CSNK1G3: variants seen among roughly 807,000 people sequenced by gnomAD.
The protein encoded by CSNK1G3 is casein kinase I isoform gamma-3.
CSNK1G3 carries 23 observed loss-of-function variants against 64.3 expected under a neutral mutation model. That is an observed-to-expected ratio of 0.36 (90% CI 0.26 to 0.51). CSNK1G3 has a LOEUF of 0.51. CSNK1G3 is among the 20% of genes least tolerant of loss of function. The pLI is 0.96. For missense variants in CSNK1G3, 357 were observed against 510.5 expected, an observed-to-expected ratio of 0.70 and a Z score of 2.90; for synonymous variants, 158 against 162.2, an observed-to-expected ratio of 0.97 and a Z score of 0.20.
chr5:123,573,350 T>A (rs1788490329), intron 4 of CSNK1G3, 43 bp from the exon 5 acceptor site: 3 of 1,587,144 alleles, frequency 1.9e-6, no homozygotes, highest in Admixed American at 3.3e-5. Flanking sequence ...ACCTTAGTAT[T>A]TAAGATGATG....
intron 1 of CSNK1G3, among the ~76,000 whole-genome samples, chr5:123,529,402 A>G (rs147969433): frequency 6.6e-5 from 10 of 152,296 alleles, no homozygotes; most frequent in African/African-American, 2.2e-4. Flanking sequence ...AGATGAAAGA[A>G]CATTCTTTTA....
chr5:123,573,575 C>A, intron 5 of CSNK1G3, 34 bp downstream of exon 5: 1 of 1,541,048 alleles, frequency 6.5e-7, no homozygotes, highest in African/African-American at 1.4e-5. Context: ...GTTGTTTGAA[C>A]AATTACATGG....
Position 123,532,061 on chromosome 5 carries a change from A to G in CSNK1G3, c.-247-13356A>G, listed in dbSNP as rs145561663. On this transcript the variant is annotated intron_variant, in intron 1 of 12. Coordinates refer to ENST00000345990, the Ensembl canonical transcript of CSNK1G3. Reference sequence around the variant, plus strand: ...GCAGGTATAATACAATATTAAGATTACTCTTAATTTTTAAGAATATTTAGG... The same window carrying G: ...GCAGGTATAATACAATATTAAGATTGCTCTTAATTTTTAAGAATATTTAGG... Among the ~76,000 whole-genome samples the G allele has an allele frequency of 9.9e-5, 15 of 151,908 alleles. No individual in the cohort carries two copies. The East Asian group carries it at 2.9e-3, about 29-fold the overall frequency.
intron 1 of CSNK1G3, among the ~76,000 whole-genome samples, chr5:123,522,690 A>G (rs538445441): frequency 1.3e-5 from 2 of 152,114 alleles, no homozygotes; most frequent in African/African-American, 4.8e-5. Context: ...GGGAATAATG[A>G]TAAAAAAAAA....
At chr5:123,585,877 A>G (rs978651963) in intron 6 of CSNK1G3, among the ~76,000 whole-genome samples, 1 of 152,214 alleles carries the variant, frequency 6.6e-6, no homozygotes, top group Admixed American at 6.5e-5. Context: ...TTGGAAAATC[A>G]TATAGAAGTT....
At chr5:123,568,916 A>C (rs1054394575) in intron 4 of CSNK1G3, among the ~76,000 whole-genome samples, 5 of 152,258 alleles carry the variant, frequency 3.3e-5, no homozygotes, top group Admixed American at 1.3e-4. Flanking sequence ...ATAAGTCATT[A>C]GCAAAAATAC....
intron 1 of CSNK1G3, among the ~76,000 whole-genome samples, chr5:123,533,581 G>A (rs907434701): frequency 1.7e-4 from 26 of 151,326 alleles, no homozygotes; most frequent in Non-Finnish European, 1.6e-4. Context: ...GATTGTTTCC[G>A]TCTTTTTTTC....
At chr5:123,563,454 T>C (rs141799492) in intron 4 of CSNK1G3, among the ~76,000 whole-genome samples, 2 of 152,182 alleles carry the variant, frequency 1.3e-5, no homozygotes, top group East Asian at 3.9e-4. Context: ...TTGTGCCTTG[T>C]TAAAAAGTCT....
At chr5:123,556,937 A>G (rs767761730) in intron 3 of CSNK1G3, among the ~76,000 whole-genome samples, 1 of 152,136 alleles carries the variant, frequency 6.6e-6, no homozygotes, top group Non-Finnish European at 1.5e-5. Context: ...AAAAGGTATG[A>G]TGGAAATGTT....
intron 12 of CSNK1G3, among the ~76,000 whole-genome samples, chr5:123,611,930 T>TTTAAA (rs1561637710): frequency 1.3e-5 from 2 of 152,244 alleles, no homozygotes; most frequent in Non-Finnish European, 2.9e-5. Context: ...TAAAGGATTT[T>TTTAAA]ATCTTTTAGA....
chr5:123,574,156 T>C (rs1457511683), intron 5 of CSNK1G3, among the ~76,000 whole-genome samples: 1 of 152,104 alleles, frequency 6.6e-6, no homozygotes, highest in Non-Finnish European at 1.5e-5. Context: ...GCCAGAAACA[T>C]GGATTCTTAA....
At chr5:123,552,997 A>G (rs1477812102) in intron 2 of CSNK1G3, 110 bp from the exon 3 acceptor site, 3 of 552,574 alleles carry the variant, frequency 5.4e-6, no homozygotes, top group Non-Finnish European at 3.2e-6. Flanking sequence ...AGAAGCAAAA[A>G]CCTATGCTTT....
chr5:123,550,293 T>G (rs375220592), intron 2 of CSNK1G3, among the ~76,000 whole-genome samples: 23 of 152,350 alleles, frequency 1.5e-4, no homozygotes, highest in African/African-American at 5.0e-4. Context: ...CTTCCGTCTC[T>G]GTGCACAAGG....
exon 6 of CSNK1G3, chr5:123,575,854 G>A: frequency 6.2e-7 from 1 of 1,613,604 alleles, no homozygotes; most frequent in Non-Finnish European, 8.5e-7. Context: ...ATTTTGGTTT[G>A]GCAAAGGAAT....
chr5:123,546,920 C>G (rs1184462464), intron 2 of CSNK1G3, among the ~76,000 whole-genome samples: 2 of 152,040 alleles, frequency 1.3e-5, no homozygotes, highest in South Asian at 2.1e-4. Flanking sequence ...CTGGCAGACT[C>G]AAATTTAGTA....
At chr5:123,590,421 A>G in exon 9 of CSNK1G3, 1 of 1,449,894 alleles carries the variant, frequency 6.9e-7, no homozygotes, top group Non-Finnish European at 9.2e-7. Flanking sequence ...AGAAATGGCA[A>G]CATATCTTCG....
At chr5:123,585,027 T>G (rs1791047952) in intron 6 of CSNK1G3, among the ~76,000 whole-genome samples, 1 of 152,200 alleles carries the variant, frequency 6.6e-6, no homozygotes, top group Admixed American at 6.5e-5. Flanking sequence ...TCATTGGTTT[T>G]CATTACTGAT....
chr5:123,556,633 A>T (rs925547847), intron 3 of CSNK1G3, among the ~76,000 whole-genome samples: 5 of 151,828 alleles, frequency 3.3e-5, no homozygotes, highest in African/African-American at 1.2e-4. Context: ...GAAATTTTCT[A>T]TTACCTTGTT....
At chr5:123,537,046 A>T (rs918210067) in intron 1 of CSNK1G3, among the ~76,000 whole-genome samples, 1 of 152,268 alleles carries the variant, frequency 6.6e-6, no homozygotes, top group Admixed American at 6.5e-5. Context: ...CAAATAACTG[A>T]AAATAGAACT....
Sources: gnomAD v4.1 joint callset for allele counts (sites outside exome capture counted in the v4.1 genomes callset) on GRCh38, gnomAD v4.1.1 for gene constraint, MANE v1.5 for transcripts, NCBI Gene and HGNC (gene_info 2026-07-23, HGNC 2026-07-21) for gene names.